Variants in MSMO1 observed in about 807,000 individuals in gnomAD.
MSMO1 encodes the protein C-4 methylsterol oxidase.
Under a neutral mutation model 30.4 loss-of-function variants are expected in MSMO1, and 18 were observed. The observed-to-expected ratio is 0.59, with a 90% CI of 0.41 to 0.88. The LOEUF (loss-of-function observed/expected upper bound fraction) is 0.88, where lower values mean the gene tolerates loss of function less well. MSMO1 is among the 40% of genes least tolerant of loss of function. The probability of loss-of-function intolerance (pLI) is 0.00; values close to 1 mark genes in which losing one functional copy is unlikely to be tolerated. For synonymous variants in MSMO1, 84 were observed against 107.9 expected (o/e 0.78, Z 1.37); for missense variants, 284 against 340.5 (o/e 0.83, Z 1.31).
chr4:165,327,686 A>T lies in MSMO1; in HGVS notation c.-110A>T, dbSNP rs1467677862. On this transcript the variant is annotated 5_prime_UTR_variant, in exon 1 of 6. Coordinates refer to ENST00000261507, the MANE Select transcript of MSMO1 (RefSeq NM_006745.5). ...GCCCACCCGGCTCCACCCCCAAGCC[A>T]GGCGAGGCAGGTTCCGAGGTTGGAA... 1 of 152,286 alleles carries T rather than the reference A, an allele frequency of 6.6e-6. No homozygotes were observed. Among genetic ancestry groups the T allele is most frequent in the Non-Finnish European group, 1.5e-5 (1 of 68,130 alleles). The allele number at this position is 152,286 out of a possible 1,614,324, so 9.4% of individuals were successfully genotyped here.
At position 165,338,722 on chromosome 4, in the gene MSMO1, C is replaced by T. The variant is rs1220287859; in HGVS notation, c.475C>T (p.Leu159Phe). 3.1e-6 allele frequency: 5 copies of T among 1,598,044 alleles called. No homozygotes were observed. Among genetic ancestry groups the T allele is most frequent in the Admixed American group, 3.3e-5 (2 of 59,962 alleles). ...EDTWHYFLHR[L>F]LHHKRIYKYI... ...TACTTGGCACTATTTTCTGCATAGA[C>T]TCTTACACCACAAAAGAATATACAA... Residue 159 changes from leucine (L) to phenylalanine (F), a missense_variant, in exon 4 of 6, where the codon CTC becomes TTC. By Grantham distance (22) the Leu-to-Phe change is conservative. Transcript: ENST00000261507.
At chr4:165,329,949 G>C (rs1747346736) in intron 1 of MSMO1, among the ~76,000 whole-genome samples, 1 of 152,026 alleles carries the variant, frequency 6.6e-6, no homozygotes, top group Non-Finnish European at 1.5e-5. Context: ...AGTGATTTTA[G>C]TAAGAGTAAG....
intron 2 of MSMO1, among the ~76,000 whole-genome samples, chr4:165,335,788 G>T (rs559628671): frequency 6.6e-6 from 1 of 152,298 alleles, no homozygotes; most frequent in South Asian, 2.1e-4. Flanking sequence ...TGTAAGGCTG[G>T]ATAATTTGAC....
At chr4:165,333,082 CT>C (rs1357099940) in intron 1 of MSMO1, among the ~76,000 whole-genome samples, 1 of 152,130 alleles carries the variant, frequency 6.6e-6, no homozygotes, top group African/African-American at 2.4e-5. Context: ...AATTTTTCCC[CT>C]ATTGTTCTTT....
chr4:165,331,767 A>G (rs1747395663), intron 1 of MSMO1, among the ~76,000 whole-genome samples: 1 of 152,204 alleles, frequency 6.6e-6, no homozygotes, highest in Non-Finnish European at 1.5e-5. Flanking sequence ...AGTGGTGAAC[A>G]TTTTTAGGAA....
Position 165,335,203 on chromosome 4 carries a change from G to T in MSMO1, c.255+1578G>T, listed in dbSNP as rs150885443. Among the ~76,000 whole-genome samples the T allele has an allele frequency of 4.9e-3, 742 of 152,206 alleles. 5 individuals are homozygous for T. Among genetic ancestry groups the T allele is most frequent in the African/African-American group, 0.017 (708 of 41,538 alleles). On this transcript the variant is annotated intron_variant, in intron 2 of 5. Transcript: ENST00000261507. ...CCAAAGGACAACTGTATATATTTTG[G>T]ATGGCAGTCTGTACACATTCTCTGT...
At chr4:165,330,985 G>A (rs1747372866) in intron 1 of MSMO1, among the ~76,000 whole-genome samples, 1 of 152,180 alleles carries the variant, frequency 6.6e-6, no homozygotes, top group African/African-American at 2.4e-5. Context: ...AGAGGTAATG[G>A]AGGCTAGGAA....
chr4:165,330,456 A>G (rs1747359340), intron 1 of MSMO1, among the ~76,000 whole-genome samples: 1 of 151,964 alleles, frequency 6.6e-6, no homozygotes, highest in Non-Finnish European at 1.5e-5. Flanking sequence ...TGGAAGACCT[A>G]CTGTTTTAAT....
At chr4:165,328,754 G>A (rs894308309) in intron 1 of MSMO1, among the ~76,000 whole-genome samples, 3 of 152,198 alleles carry the variant, frequency 2.0e-5, no homozygotes, top group Admixed American at 2.0e-4. Context: ...TGTTCGGTTA[G>A]CAACAGTATA....
chr4:165,331,927 C>T lies in MSMO1; in HGVS notation c.-31-1413C>T, dbSNP rs1271536601. ...TCTTCCATAACACTATTTCCTACCC[C>T]GCCGCGCTCTGTCTTCCGTAACACT... is the stretch of plus-strand genomic sequence containing the variant. On this transcript the variant is annotated intron_variant, in intron 1 of 5. Coordinates refer to ENST00000261507, the MANE Select transcript of MSMO1 (RefSeq NM_006745.5). 1.1e-4 allele frequency among the ~76,000 whole-genome samples: 17 copies of T among 148,322 alleles called. No individual in the cohort carries two copies. The East Asian group carries it at 1.9e-3, about 17-fold the overall frequency.
intron 2 of MSMO1, among the ~76,000 whole-genome samples, chr4:165,335,135 C>G (rs1035106887): frequency 1.3e-5 from 2 of 152,124 alleles, no homozygotes; most frequent in African/African-American, 4.8e-5. Flanking sequence ...ATCTTCAGAT[C>G]TTGGTATTTG....
chr4:165,331,957 C>G (rs56359437), intron 1 of MSMO1, among the ~76,000 whole-genome samples: 1 of 148,892 alleles, frequency 6.7e-6, no homozygotes, highest in African/African-American at 2.6e-5. Context: ...AACACTCTCC[C>G]CTACCCCGTC....
In MSMO1 at chr4:165,333,281, CTG is replaced by C. The variant is rs756572570; in HGVS notation, c.-31-57_-31-56del. 6.6e-5 allele frequency: 92 copies of C among 1,389,964 alleles called. 1 individual carries two copies. In the Middle Eastern group the frequency reaches 7.7e-4, roughly 12 times the overall value. 86.1% of individuals were successfully genotyped at this position (1,389,964 alleles called of 1,614,324 possible). ...AATGATCAGAGGATGCATTTTTTAACTGTTTTATTTTTTGAAAGCTCATTGTT... is the reference window on the plus strand; with the variant it reads ...AATGATCAGAGGATGCATTTTTTAACTTTTATTTTTTGAAAGCTCATTGTT... On this transcript the variant is annotated intron_variant, in intron 1 of 5. Transcript: ENST00000261507.
chr4:165,334,971 T>C (rs1747500156), intron 2 of MSMO1, among the ~76,000 whole-genome samples: 1 of 152,164 alleles, frequency 6.6e-6, no homozygotes, highest in South Asian at 2.1e-4. Context: ...TGTACAGTCT[T>C]TTTTTTCCTT....
At chr4:165,336,713 A>G (rs1747559391) in intron 2 of MSMO1, among the ~76,000 whole-genome samples, 3 of 152,324 alleles carry the variant, frequency 2.0e-5, no homozygotes, top group South Asian at 4.1e-4. Context: ...TTATTGTTGA[A>G]GAAACTGAGT....
In MSMO1 at chr4:165,341,744, G is replaced by A. The variant is rs982234903; in HGVS notation, c.687-7G>A. On this transcript the variant is annotated splice_polypyrimidine_tract_variant and splice_region_variant and intron_variant, in intron 5 of 5. Transcript: ENST00000261507. ...TTCCTTAATAATCTTTATCATTTTT[G>A]TTTCAGTGGTTATGATATTCCTCTC... is the stretch of plus-strand genomic sequence containing the variant. 2.5e-6 allele frequency: 4 copies of A among 1,593,250 alleles called. No homozygotes were observed. The highest frequency in any genetic ancestry group is 3.4e-6 in the Non-Finnish European group (4 of 1,161,490).
At chr4:165,328,799 CTGAATGTTAACTAAACCAAG>C (rs1465142815) in intron 1 of MSMO1, among the ~76,000 whole-genome samples, 1 of 152,172 alleles carries the variant, frequency 6.6e-6, no homozygotes, top group Non-Finnish European at 1.5e-5. Context: ...AAGTAAATTC[CTGAATGTTAACTAAACCAAG>C]TGTTTCTAAA....
At chr4:165,328,980 G>A (rs1197060657) in intron 1 of MSMO1, among the ~76,000 whole-genome samples, 1 of 152,176 alleles carries the variant, frequency 6.6e-6, no homozygotes, top group Admixed American at 6.5e-5. Context: ...GAGTTCATGT[G>A]CCTCTGAACT....
At chr4:165,328,887 T>A (rs1247046269) in intron 1 of MSMO1, among the ~76,000 whole-genome samples, 1 of 152,166 alleles carries the variant, frequency 6.6e-6, no homozygotes, top group African/African-American at 2.4e-5. Context: ...AAACGTTATG[T>A]CTGAGAATTA....
Sources: gnomAD v4.1 joint callset for allele counts (sites outside exome capture counted in the v4.1 genomes callset) on GRCh38, gnomAD v4.1.1 for gene constraint, MANE v1.5 for transcripts, NCBI Gene and HGNC (gene_info 2026-07-23, HGNC 2026-07-21) for gene names.